VPS13B: variants seen among roughly 807,000 people sequenced by gnomAD.
The protein encoded by VPS13B is intermembrane lipid transfer protein VPS13B.
A neutral mutation model predicts 426.4 loss-of-function variants in VPS13B; 285 were observed. The observed-to-expected ratio is 0.67, with a 90% CI of 0.61 to 0.74. VPS13B has a LOEUF of 0.74. Among genes scored for constraint, VPS13B ranks in the 30% least tolerant of loss-of-function variants. The pLI, the probability that VPS13B is intolerant of heterozygous loss-of-function variation, is 0.00. For missense variants in VPS13B, 4,537 were observed against 4,782.6 expected (o/e 0.95, Z 1.51); for synonymous variants, 1,676 against 1,676.4 (o/e 1.00, Z 0.01).
At chr8:99,020,149 G>T (rs1054211250) in intron 2 of VPS13B, among the ~76,000 whole-genome samples, 1 of 71,322 alleles carries the variant, frequency 1.4e-5, no homozygotes, top group Non-Finnish European at 3.5e-5. Context: ...GTTGTTTTAC[G>T]TGTTTTTTTT....
chr8:99,721,195 C>T (rs1428515815), intron 39 of VPS13B, 148 bp downstream of exon 39: 1 of 830,162 alleles, frequency 1.2e-6, no homozygotes, highest in East Asian at 2.6e-5. Context: ...TGTGTATCCA[C>T]ACACATATAT....
intron 40 of VPS13B, among the ~76,000 whole-genome samples, chr8:99,772,206 C>CTT (rs765185137): frequency 7.1e-6 from 1 of 140,668 alleles, no homozygotes; most frequent in Non-Finnish European, 1.6e-5. Flanking sequence ...ATTACTCTTC[C>CTT]TTTTTTTTTT....
rs150751225 is a variant in VPS13B at position 99,417,967 on chromosome 8, C to G, written c.3083-13570C>G. 2.7e-4 allele frequency among the ~76,000 whole-genome samples: 41 copies of G among 152,092 alleles called. No homozygotes were observed. In the East Asian group the frequency reaches 7.5e-3, roughly 28 times the overall value. On this transcript the variant is annotated intron_variant, in intron 21 of 61. Coordinates refer to ENST00000357162, the MANE Select transcript of VPS13B (RefSeq NM_152564.5). ...GAATTGGTAGAATAAAAAAAGAAAC[C>G]TAGGTTTTCTGAGTCCTCCCAGTCC... is the stretch of plus-strand genomic sequence containing the variant.
At chr8:99,079,434 A>T (rs962328147) in intron 3 of VPS13B, among the ~76,000 whole-genome samples, 1 of 152,062 alleles carries the variant, frequency 6.6e-6, no homozygotes, top group Non-Finnish European at 1.5e-5. Flanking sequence ...GTTGTGGTGG[A>T]TGTGGACAGA....
At chr8:99,294,027 A>G (rs951470104) in intron 19 of VPS13B, among the ~76,000 whole-genome samples, 1 of 112,822 alleles carries the variant, frequency 8.9e-6, no homozygotes, top group African/African-American at 3.6e-5. Flanking sequence ...TGACCCAGCC[A>G]TCCCATTACT....
rs1226438175 is a variant in VPS13B, at chr8:99,720,851, T to C, written c.6866-12T>C. On this transcript the variant is annotated splice_polypyrimidine_tract_variant and intron_variant, in intron 38 of 61. Transcript: ENST00000357162. ...TTTAAATCATACAATTAATTATACT[T>C]TTATTTGACAGAATCTTTGAAATTG... The C allele has an allele frequency of 6.2e-7, 1 of 1,606,976 alleles. No homozygotes were observed. Among genetic ancestry groups the C allele is most frequent in the East Asian group, 2.2e-5 (1 of 44,574 alleles).
intron 2 of VPS13B, among the ~76,000 whole-genome samples, chr8:99,016,506 CTT>C (rs201275543): frequency 3.2e-5 from 3 of 93,194 alleles, no homozygotes; most frequent in Non-Finnish European, 4.8e-5. Flanking sequence ...ATTTAGCTAT[CTT>C]TTTTTTTTTT....
At chr8:99,699,163 G>A (rs746683027) in intron 35 of VPS13B, among the ~76,000 whole-genome samples, 25 of 117,020 alleles carry the variant, frequency 2.1e-4, no homozygotes, top group Admixed American at 6.8e-4. Flanking sequence ...TTTGAAGAAA[G>A]GCCAGTTTCA....
intron 61 of VPS13B, among the ~76,000 whole-genome samples, chr8:99,874,586 T>G (rs533258522): frequency 6.6e-6 from 1 of 152,200 alleles, no homozygotes; most frequent in Non-Finnish European, 1.5e-5. Flanking sequence ...GGTGGCTACC[T>G]GAGATTCACA....
chr8:99,285,459 T>A (rs528499613), intron 19 of VPS13B, among the ~76,000 whole-genome samples: 1 of 152,262 alleles, frequency 6.6e-6, no homozygotes, highest in South Asian at 2.1e-4. Flanking sequence ...AAGTAGTAAA[T>A]TAGTATACAA....
chr8:99,236,187 A>C (rs1207885958), intron 17 of VPS13B, among the ~76,000 whole-genome samples: 1 of 152,150 alleles, frequency 6.6e-6, no homozygotes, highest in African/African-American at 2.4e-5. Context: ...AAGGTCTGGA[A>C]AACAGTTCTC....
At chr8:99,333,428 C>G (rs1253556443) in intron 19 of VPS13B, among the ~76,000 whole-genome samples, 2 of 151,724 alleles carry the variant, frequency 1.3e-5, no homozygotes. Context: ...TAACATCTTA[C>G]AAAATTATAA....
Position 99,875,770 on chromosome 8 carries a change from C to G in VPS13B, c.*104C>G, listed in dbSNP as rs1224486679. 9.6e-6 allele frequency: 14 copies of G among 1,464,790 alleles called. No homozygotes were observed. Among genetic ancestry groups the G allele is most frequent in the Non-Finnish European group, 1.2e-5 (13 of 1,061,516 alleles). The allele number at this position is 1,464,790 out of a possible 1,614,324, so 90.7% of individuals were successfully genotyped here. A position where few individuals can be genotyped will look rare whatever the true frequency, so the allele number is the denominator to read the frequency against. On this transcript the variant is annotated 3_prime_UTR_variant, in exon 62 of 62. Coordinates refer to ENST00000357162, the MANE Select transcript of VPS13B (RefSeq NM_152564.5). ...CTTGCTGACCTCAAATTCTGGGGTTCAAGCAATCCTCCCACCTCAACCCAC... is the reference window on the plus strand; with the variant it reads ...CTTGCTGACCTCAAATTCTGGGGTTGAAGCAATCCTCCCACCTCAACCCAC...
intron 8 of VPS13B, among the ~76,000 whole-genome samples, chr8:99,128,049 G>A (rs896409361): frequency 3.3e-5 from 5 of 151,912 alleles, no homozygotes; most frequent in Non-Finnish European, 4.4e-5. Context: ...GAAAAATTAT[G>A]GATATTCCTT....
At position 99,516,787 on chromosome 8, in the gene VPS13B, C is replaced by CAAAAAAAA. The variant is rs528490868; in HGVS notation, c.4634-4088_4634-4081dup. 7.2e-4 allele frequency among the ~76,000 whole-genome samples: 12 copies of CAAAAAAAA among 16,704 alleles called. 1 individual carries two copies. Among genetic ancestry groups the CAAAAAAAA allele is most frequent in the Non-Finnish European group, 9.4e-4 (9 of 9,554 alleles). 11.0% of individuals were successfully genotyped at this position (16,704 alleles called of 152,430 possible). A position where few individuals can be genotyped will look rare whatever the true frequency, so the allele number is the denominator to read the frequency against. On this transcript the variant is annotated intron_variant, in intron 29 of 61. Transcript: ENST00000357162. ...TGGGTGACAGGAGGAGACCGTGTCT[C>CAAAAAAAA]AAAAAAAAAAAAAAAAAAAAAAAAA...
intron 19 of VPS13B, among the ~76,000 whole-genome samples, chr8:99,297,124 A>C (rs1455829186): frequency 6.6e-6 from 1 of 152,148 alleles, no homozygotes; most frequent in Non-Finnish European, 1.5e-5. Context: ...TGTAAAATGA[A>C]AGTAAGGTTT....
At chr8:99,787,749 A>G (rs1040961959) in intron 43 of VPS13B, among the ~76,000 whole-genome samples, 1 of 152,200 alleles carries the variant, frequency 6.6e-6, no homozygotes, top group East Asian at 1.9e-4. Flanking sequence ...ACCAACTGGT[A>G]GGATTTATAT....
intron 19 of VPS13B, among the ~76,000 whole-genome samples, chr8:99,383,739 A>T (rs1813964679): frequency 6.6e-6 from 1 of 152,138 alleles, no homozygotes; most frequent in South Asian, 2.1e-4. Context: ...TGTCAGGCTT[A>T]TTTCACTTAA....
chr8:99,773,923 A>G (rs1370238137), intron 40 of VPS13B, among the ~76,000 whole-genome samples: 1 of 152,198 alleles, frequency 6.6e-6, no homozygotes, highest in African/African-American at 2.4e-5. Flanking sequence ...TGTGAATCAG[A>G]TTAAAATCCA....
Sources: gnomAD v4.1 joint callset for allele counts (sites outside exome capture counted in the v4.1 genomes callset) on GRCh38, gnomAD v4.1.1 for gene constraint, MANE v1.5 for transcripts, NCBI Gene and HGNC (gene_info 2026-07-23, HGNC 2026-07-21) for gene names.